Variants in KANK1 observed in about 807,000 individuals in gnomAD.
KANK1 encodes KN motif and ankyrin repeat domains 1, also known as KN motif and ankyrin repeat domain-containing protein 1.
Under a neutral mutation model 106.2 loss-of-function variants are expected in KANK1, and 109 were observed. That is an observed-to-expected ratio of 1.03 (90% CI 0.88 to 1.20). KANK1 has a LOEUF of 1.20. KANK1 is among the 50% of genes most tolerant of loss of function. The pLI is 0.00. For synonymous variants in KANK1, 873 were observed against 652.2 expected (o/e 1.34, Z -5.16); for missense variants, 2,399 against 1,710.7 (o/e 1.40, Z -7.10).
intron 1 of KANK1, among the ~76,000 whole-genome samples, chr9:516,267 C>G (rs1268503306): frequency 2.0e-5 from 3 of 151,632 alleles, no homozygotes; most frequent in Admixed American, 1.3e-4. Context: ...AGACACCAAA[C>G]TTTTAACTCC....
rs191191868 is a variant in KANK1 at position 732,036 on chromosome 9, A to G, written c.3006-342A>G. 1.4e-3 allele frequency: 261 copies of G among 188,118 alleles called. 2 individuals carry two copies. Among genetic ancestry groups the G allele is most frequent in the African/African-American group, 5.9e-3 (246 of 41,838 alleles). The allele number at this position is 188,118 out of a possible 1,614,324, so 11.7% of individuals were successfully genotyped here. ...ATACTGGGAGAATTAATAGGATGAA[A>G]TAGGAAGACATGGGGTGGGGGGGGG... On this transcript the variant is annotated intron_variant, in intron 5 of 11. Coordinates refer to ENST00000382297, the MANE Select transcript of KANK1 (RefSeq NM_015158.5).
In KANK1 at chr9:727,386, G is replaced by C. The variant is rs1293353785; in HGVS notation, c.2699-2665G>C. Among the ~76,000 whole-genome samples, 3 of 151,902 alleles carry C rather than the reference G, an allele frequency of 2.0e-5. No individual in the cohort carries two copies. The East Asian group carries it at 5.8e-4, about 29-fold the overall frequency. ...GCTGGAGTGCAGTGGGACGATCTTG[G>C]CTCACTGCAACCTCTGCCTCCCGGG... On this transcript the variant is annotated intron_variant, in intron 3 of 11. Coordinates refer to ENST00000382297, the MANE Select transcript of KANK1 (RefSeq NM_015158.5).
chr9:691,863 T>C (rs1357320104), intron 2 of KANK1, among the ~76,000 whole-genome samples: 2 of 151,088 alleles, frequency 1.3e-5, no homozygotes, highest in Non-Finnish European at 2.9e-5. Flanking sequence ...GTAATCCTCC[T>C]TCCTCAGCTT....
At chr9:569,580 C>A (rs1449096138) in intron 1 of KANK1, among the ~76,000 whole-genome samples, 1 of 152,152 alleles carries the variant, frequency 6.6e-6, no homozygotes, top group Non-Finnish European at 1.5e-5. Flanking sequence ...GCCTTTGTAC[C>A]TGTAAGAAAT....
chr9:569,412 G>C (rs1188093624), intron 1 of KANK1, among the ~76,000 whole-genome samples: 1 of 151,970 alleles, frequency 6.6e-6, no homozygotes, highest in Non-Finnish European at 1.5e-5. Flanking sequence ...TGGGTTATCA[G>C]GGGAGTAGGG....
intron 1 of KANK1, among the ~76,000 whole-genome samples, chr9:517,654 G>A (rs2059346097): frequency 6.6e-6 from 1 of 151,344 alleles, no homozygotes; most frequent in Non-Finnish European, 1.5e-5. Context: ...AATATGTCTG[G>A]GCTCAATTCT....
At position 604,074 on chromosome 9, in the gene KANK1, CA is replaced by C. The variant is rs531604471; in HGVS notation, c.-83-72811del. Among the ~76,000 whole-genome samples the C allele has an allele frequency of 9.4e-4, 142 of 151,306 alleles. 3 individuals carry two copies. The highest frequency in any genetic ancestry group is 3.4e-3 in the African/African-American group (139 of 40,930). On this transcript the variant is annotated intron_variant, in intron 1 of 11. Coordinates refer to ENST00000382297, the MANE Select transcript of KANK1 (RefSeq NM_015158.5). ...GAGAATGGAGTGTCAGTGATTTCAG[CA>C]AAAAGTTGGGGTACCAGTTCATAAT...
At chr9:663,572 G>A (rs1843865412) in intron 1 of KANK1, among the ~76,000 whole-genome samples, 1 of 152,164 alleles carries the variant, frequency 6.6e-6, no homozygotes, top group Non-Finnish European at 1.5e-5. Flanking sequence ...CTCTTCTTTA[G>A]ACTATCTATT....
chr9:599,867 C>T (rs1208411261), intron 1 of KANK1, among the ~76,000 whole-genome samples: 2 of 151,738 alleles, frequency 1.3e-5, no homozygotes, highest in African/African-American at 4.9e-5. Context: ...CGAGGGATGA[C>T]TGTACTTTGT....
chr9:740,736 G>C, intron 8 of KANK1, 56 bp from the exon 9 acceptor site: 1 of 1,570,460 alleles, frequency 6.4e-7, no homozygotes, highest in Non-Finnish European at 8.6e-7. Flanking sequence ...CTTCGTAAGC[G>C]GCTGCTATTA....
At chr9:540,155 A>T (rs138029105) in intron 1 of KANK1, among the ~76,000 whole-genome samples, 4 of 152,218 alleles carry the variant, frequency 2.6e-5, no homozygotes, top group African/African-American at 9.7e-5. Flanking sequence ...ACTGAGTATG[A>T]TATTAGCTAC....
chr9:617,952 A>T (rs1020191152), intron 1 of KANK1, among the ~76,000 whole-genome samples: 2 of 152,162 alleles, frequency 1.3e-5, no homozygotes, highest in African/African-American at 2.4e-5. Context: ...AGTAACATTT[A>T]TGGAACCACT....
intron 10 of KANK1, among the ~76,000 whole-genome samples, chr9:742,754 T>C (rs1836007651): frequency 1.3e-5 from 2 of 152,164 alleles, no homozygotes; most frequent in Admixed American, 1.3e-4. Flanking sequence ...TTCTGACAGG[T>C]GCACTTGGAA....
At position 710,945 on chromosome 9, in the gene KANK1, G is replaced by C. The variant is rs1436441715; in HGVS notation, c.179G>C (p.Arg60Thr). Residue 60 changes from arginine to threonine, a missense_variant, in exon 3 of 12, where the codon AGA (arginine) becomes ACA (threonine). Transcript: ENST00000382297. The stretch of plus-strand genomic sequence containing the variant: ...ATACAGAAGGGAAATACCATCAAAA[G>C]ACTGAACATCCAGAAGAGGCGGAAG... ...DDIQKGNTIK[R>T]LNIQKRRKPS... The C allele has an allele frequency of 1.2e-6, 2 of 1,614,162 alleles. No individual in the cohort carries two copies. The highest frequency in any genetic ancestry group is 2.2e-5 in the East Asian group (1 of 44,872).
At chr9:487,236 G>C (rs976105247) in intron 3 of KANK1, among the ~76,000 whole-genome samples, 11 of 152,194 alleles carry the variant, frequency 7.2e-5, no homozygotes, top group Non-Finnish European at 1.5e-4. Context: ...TGGTGTGAAA[G>C]CCATACGTGT....
intron 1 of KANK1, among the ~76,000 whole-genome samples, chr9:673,200 C>CTTTTTTTTTT (rs542647158): frequency 1.0e-5 from 1 of 97,832 alleles, no homozygotes; most frequent in Non-Finnish European, 2.2e-5. Flanking sequence ...ACAGTGTCTT[C>CTTTTTTTTTT]TTTTTTTTTT....
chr9:577,895 G>A (rs966329174), intron 1 of KANK1, among the ~76,000 whole-genome samples: 2 of 152,096 alleles, frequency 1.3e-5, no homozygotes, highest in African/African-American at 2.4e-5. Context: ...TAAACTTTGG[G>A]AATAGGAGCA....
rs192504436 is a variant in KANK1 at position 505,948 on chromosome 9, A to G, written c.-84+1194A>G. On this transcript the variant is annotated intron_variant, in intron 1 of 11. Coordinates refer to ENST00000382297, the MANE Select transcript of KANK1 (RefSeq NM_015158.5). ...GGCGTTAACAGCTAAGTAGCTGTTC[A>G]TCTGCCAGTTTCTCCTTTCATCCAA... Among the ~76,000 whole-genome samples, 385 of 152,308 alleles carry G rather than the reference A, an allele frequency of 2.5e-3. 2 individuals are homozygous for G. The highest frequency in any genetic ancestry group is 9.0e-3 in the African/African-American group (375 of 41,574).
intron 2 of KANK1, among the ~76,000 whole-genome samples, chr9:690,285 G>A (rs1819597716): frequency 6.7e-6 from 1 of 148,424 alleles, no homozygotes; most frequent in Admixed American, 6.8e-5. Flanking sequence ...CAGCCTGGGT[G>A]ACGGAGCGAG....
Sources: gnomAD v4.1 joint callset for allele counts (sites outside exome capture counted in the v4.1 genomes callset) on GRCh38, gnomAD v4.1.1 for gene constraint, MANE v1.5 for transcripts, NCBI Gene and HGNC (gene_info 2026-07-23, HGNC 2026-07-21) for gene names.